Variants in IFIH1 observed in about 807,000 individuals in gnomAD.
IFIH1 encodes interferon-induced helicase C domain-containing protein 1.
Under a neutral mutation model 107.4 loss-of-function variants are expected in IFIH1, and 125 were observed. That is an observed-to-expected ratio of 1.16 (90% CI 1.01 to 1.35). IFIH1 has a LOEUF of 1.35. Ranked by LOEUF, IFIH1 falls within the 40% of genes most tolerant of loss-of-function variation. The probability of loss-of-function intolerance (pLI) is 0.00; values close to 1 mark genes in which losing one functional copy is unlikely to be tolerated. For missense variants in IFIH1, 1,333 were observed against 1,213.7 expected, an observed-to-expected ratio of 1.10 and a Z score of -1.46; for synonymous variants, 458 against 413.2, an observed-to-expected ratio of 1.11 and a Z score of -1.31.
At chr2:162,295,923 G>A (rs1021583492) in intron 3 of IFIH1, among the ~76,000 whole-genome samples, 8 of 151,954 alleles carry the variant, frequency 5.3e-5, no homozygotes, top group Admixed American at 4.6e-4. Context: ...TAGAAATATA[G>A]GCTAAGATTT....
At position 162,293,525 on chromosome 2, in the gene IFIH1, T is replaced by C. The variant is rs758939295; in HGVS notation, c.874+39A>G. On this transcript the variant is annotated intron_variant, in intron 4 of 15. Transcript: ENST00000649979. ...ATGCTTCCACTATATGGCGTCTTATTTCACACTTTTTAAGGTTTACACAAC... is the reference window on the plus strand; with the variant it reads ...ATGCTTCCACTATATGGCGTCTTATCTCACACTTTTTAAGGTTTACACAAC... 4 of 1,333,878 alleles carry C rather than the reference T, an allele frequency of 3.0e-6. 1 individual carries two copies. The highest frequency in any genetic ancestry group is 3.6e-5 in the Admixed American group (2 of 56,290). 82.6% of individuals were successfully genotyped at this position (1,333,878 alleles called of 1,614,324 possible).
chr2:162,296,508 G>A lies in IFIH1; in HGVS notation c.770-2840C>T, dbSNP rs536894948. Among the ~76,000 whole-genome samples the A allele has an allele frequency of 5.3e-5, 8 of 152,242 alleles. No individual in the cohort carries two copies. In the South Asian group the frequency reaches 1.7e-3, roughly 32 times the overall value. On this transcript the variant is annotated intron_variant, in intron 3 of 15. Transcript: ENST00000649979. ...ATCCAGATCACACAGCTACAGTGGG[G>A]CAGAATCCTCATTTCTGAATCCAAG...
intron 13 of IFIH1, among the ~76,000 whole-genome samples, chr2:162,271,780 A>C (rs917847703): frequency 2.0e-5 from 3 of 152,188 alleles, no homozygotes; most frequent in Non-Finnish European, 4.4e-5. Flanking sequence ...CACACTAGAA[A>C]TATAAACTTC....
At position 162,280,065 on chromosome 2, in the gene IFIH1, G is replaced by T; in HGVS notation, c.1572C>A (p.Asn524Lys). 6.2e-7 allele frequency: 1 copy of T among 1,610,542 alleles called. No individual in the cohort carries two copies. The highest frequency in any genetic ancestry group is 8.5e-7 in the Non-Finnish European group (1 of 1,177,446). Residue 524 changes from asparagine to lysine, a missense_variant, in exon 8 of 16, where the codon AAC (asparagine) becomes AAA (lysine). Coordinates refer to ENST00000649979, the MANE Select transcript of IFIH1 (RefSeq NM_022168.4). ...GTATTTGGTTTTTCAGTTGATCAAGGTTTTCTTTAACAGTTTTAATAGTAA... is the reference window on the plus strand; with the variant it reads ...GTATTTGGTTTTTCAGTTGATCAAGTTTTTCTTTAACAGTTTTAATAGTAA... ...DAFTIKTVKE[N>K]LDQLKNQIQE... is the part of the protein sequence containing the mutation.
chr2:162,268,381 A>G, intron 13 of IFIH1, 104 bp from the exon 14 acceptor site: 1 of 679,384 alleles, frequency 1.5e-6, no homozygotes, highest in Non-Finnish European at 2.5e-6. Flanking sequence ...GTGAAAATAT[A>G]CCCTTAGCTT....
chr2:162,296,028 A>G (rs1576232776), intron 3 of IFIH1, among the ~76,000 whole-genome samples: 2 of 152,226 alleles, frequency 1.3e-5, no homozygotes, highest in African/African-American at 4.8e-5. Context: ...CTGAAAAAAT[A>G]CTAACAAATA....
At chr2:162,280,198 T>C (rs1371123136) in intron 7 of IFIH1, 86 bp from the exon 8 acceptor site, 1 of 740,580 alleles carries the variant, frequency 1.4e-6, no homozygotes, top group East Asian at 2.5e-5. Flanking sequence ...ATGTAAAAAA[T>C]ATGTAGCATT....
chr2:162,304,794 A>G (rs943005652), intron 3 of IFIH1, among the ~76,000 whole-genome samples: 2 of 152,222 alleles, frequency 1.3e-5, no homozygotes, highest in Non-Finnish European at 2.9e-5. Context: ...AATATTATTC[A>G]TTCTCGTAGA....
At chr2:162,287,727 C>T (rs1281292836) in intron 5 of IFIH1, among the ~76,000 whole-genome samples, 1 of 151,844 alleles carries the variant, frequency 6.6e-6, no homozygotes, top group Non-Finnish European at 1.5e-5. Context: ...AAGTAAAAAA[C>T]AATATTTGAT....
chr2:162,281,270 A>G, intron 7 of IFIH1, 58 bp downstream of exon 7: 1 of 1,318,506 alleles, frequency 7.6e-7, no homozygotes, highest in Non-Finnish European at 1.1e-6. Flanking sequence ...AAGACCAAGA[A>G]GTCCTGGCAT....
Position 162,277,453 on chromosome 2 carries a change from A to G in IFIH1, c.2006T>C (p.Leu669Pro). The G allele has an allele frequency of 6.2e-7, 1 of 1,609,516 alleles. No homozygotes were observed. Among genetic ancestry groups the G allele is most frequent in the Non-Finnish European group, 8.5e-7 (1 of 1,176,846 alleles). ...DEDDLKKPLKLDETDRFLMTL... is the reference protein window; with the variant it reads ...DEDDLKKPLKPDETDRFLMTL... Reference sequence around the variant, plus strand: ...CATGAGAAATCTATCTGTTTCATCCAGTTTCAAAGGTTTCTTTAAATCATC... The same window carrying G: ...CATGAGAAATCTATCTGTTTCATCCGGTTTCAAAGGTTTCTTTAAATCATC... The change falls in exon 10 of 16, where the codon CTG (leucine) becomes CCG (proline). Residue 669 changes from leucine (L) to proline (P), a missense_variant. Transcript: ENST00000649979.
Position 162,277,612 on chromosome 2 carries a change from G to A in IFIH1, c.1847C>T (p.Thr616Ile), listed in dbSNP as rs1461536536. The A allele has an allele frequency of 1.9e-6, 3 of 1,613,070 alleles. No individual in the cohort carries two copies. Among genetic ancestry groups the A allele is most frequent in the Non-Finnish European group, 2.5e-6 (3 of 1,179,342 alleles). Residue 616 changes from threonine (T) to isoleucine (I), a missense_variant, in exon 10 of 16, where the codon ACA (threonine) becomes ATA (isoleucine). Physicochemically the swap from Thr to Ile is moderately conservative, Grantham distance 89. Coordinates refer to ENST00000649979, the MANE Select transcript of IFIH1 (RefSeq NM_022168.4). ...KYNEALQIND[T>I]IRMIDAYTHL... ...AGTATACGCATCTATCATTCGAATT[G>A]TGTCATTAATTTGTAGGGCCTCATT...
chr2:162,268,582 GTTAT>G (rs539250138), intron 13 of IFIH1, among the ~76,000 whole-genome samples: 7 of 151,978 alleles, frequency 4.6e-5, no homozygotes, highest in Non-Finnish European at 1.0e-4. Context: ...CTACCCATTT[GTTAT>G]TTATTTATTT....
intron 14 of IFIH1, 24 bp from the exon 15 acceptor site, chr2:162,267,593 T>A: frequency 1.3e-6 from 2 of 1,517,732 alleles, no homozygotes; most frequent in Non-Finnish European, 1.8e-6. Flanking sequence ...AGGGAAAGAA[T>A]CATCATGGAG....
chr2:162,293,211 A>C (rs1046466745), intron 4 of IFIH1, among the ~76,000 whole-genome samples: 9 of 152,008 alleles, frequency 5.9e-5, no homozygotes, highest in African/African-American at 2.2e-4. Flanking sequence ...TAATTTAAAA[A>C]GTAGAATTTG....
At chr2:162,306,537 G>A (rs1683282738) in intron 3 of IFIH1, among the ~76,000 whole-genome samples, 172 bp downstream of exon 3, 1 of 152,086 alleles carries the variant, frequency 6.6e-6, no homozygotes, top group African/African-American at 2.4e-5. Flanking sequence ...GTTTTAGAAA[G>A]CATTTTGGCC....
At chr2:162,267,693 T>C in intron 14 of IFIH1, 124 bp from the exon 15 acceptor site, 1 of 710,740 alleles carries the variant, frequency 1.4e-6, no homozygotes, top group Non-Finnish European at 2.4e-6. Flanking sequence ...ATTCCTTCCT[T>C]CCCTCCTGCT....
rs185798191 is a variant in IFIH1 at position 162,297,228 on chromosome 2, T to C, written c.770-3560A>G. 6.6e-5 allele frequency among the ~76,000 whole-genome samples: 10 copies of C among 152,276 alleles called. No individual in the cohort carries two copies. In the East Asian group the frequency reaches 1.9e-3, roughly 29 times the overall value. On this transcript the variant is annotated intron_variant, in intron 3 of 15. Transcript: ENST00000649979. ...CAAAATTAAACCGACCTATTGAGTT[T>C]AAATGCCAAGAATTTCTGAAATTGA...
chr2:162,271,808 T>C (rs1691045412), intron 13 of IFIH1, among the ~76,000 whole-genome samples: 1 of 152,184 alleles, frequency 6.6e-6, no homozygotes, highest in Non-Finnish European at 1.5e-5. Flanking sequence ...AGGAGTCTTA[T>C]GTGTTTTGTT....
Sources: allele counts gnomAD v4.1 joint callset (sites outside exome capture counted in the v4.1 genomes callset), GRCh38; gene constraint gnomAD v4.1.1; transcripts MANE v1.5; gene names NCBI Gene and HGNC (gene_info 2026-07-23, HGNC 2026-07-21).